The following APEX1 variants were observed in gnomAD, a reference collection of about 807,000 sequenced individuals.
The protein encoded by APEX1 is apurinic/apyrimidinic endodeoxyribonuclease 1.
In APEX1, 32 loss-of-function variants were observed where a neutral mutation model predicts 33.2. The observed-to-expected ratio is 0.96, with a 90% CI of 0.73 to 1.29. The LOEUF is 1.29. Ranked by LOEUF, APEX1 falls within the 50% of genes most tolerant of loss-of-function variation. The probability of loss-of-function intolerance (pLI) is 0.00; values close to 1 mark genes in which losing one functional copy is unlikely to be tolerated. For synonymous variants in APEX1, 175 were observed against 156.6 expected, an observed-to-expected ratio of 1.12 and a Z score of -0.88; for missense variants, 442 against 395.6, an observed-to-expected ratio of 1.12 and a Z score of -0.99.
rs371886058 is a variant in APEX1 at position 20,456,854 on chromosome 14, G to A, written c.433G>A (p.Gly145Ser). ...CCAGTGCCCACTCAAAGTTTCTTAC[G>A]GCATAGGTGAGACCCTATTGATGCC... ...SRQCPLKVSY[G>S]IGDEEHDQEG... Residue 145 changes from glycine (G) to serine (S), a missense_variant, in exon 4 of 5, where the codon GGC becomes AGC. By Grantham distance (56) the Gly-to-Ser change is moderately conservative. Transcript: ENST00000216714. 165 of 1,613,686 alleles carry A rather than the reference G, an allele frequency of 1.0e-4. 2 individuals carry two copies. In the South Asian group the frequency reaches 1.4e-3, roughly 13 times the overall value.
At position 20,457,177 on chromosome 14, in the gene APEX1, G is replaced by T. The variant is rs1475640274; in HGVS notation, c.626G>T (p.Gly209Val). ...TCCCGAAAGCCCCTTGTGCTGTGTG[G>T]AGACCTCAATGTGGCACATGAAGAA... ...LASRKPLVLC[G>V]DLNVAHEEID... Residue 209 changes from glycine to valine, a missense_variant, in exon 5 of 5, where the codon GGA (glycine) becomes GTA (valine). Transcript: ENST00000216714. 6.2e-7 allele frequency: 1 copy of T among 1,614,074 alleles called. No homozygotes were observed. The highest frequency in any genetic ancestry group is 8.5e-7 in the Non-Finnish European group (1 of 1,180,046).
chr14:20,456,902 C>A, intron 4 of APEX1, 42 bp downstream of exon 4: 1 of 1,606,458 alleles, frequency 6.2e-7, no homozygotes, highest in Non-Finnish European at 8.5e-7. Context: ...TCTTCAAAAC[C>A]AATTGCTAAT....
chr14:20,457,275 G>C lies in APEX1; in HGVS notation c.724G>C (p.Glu242Gln), dbSNP rs757918457. The C allele has an allele frequency of 6.2e-7, 1 of 1,614,226 alleles. No homozygotes were observed. The highest frequency in any genetic ancestry group is 1.7e-5 in the Admixed American group (1 of 60,030). ...GCCACAAGAGCGCCAAGGCTTCGGG[G>C]AATTACTGCAGGCTGTGCCACTGGC... The part of the protein sequence containing the change: ...FTPQERQGFG[E>Q]LLQAVPLADS... Residue 242 changes from glutamate to glutamine, a missense_variant, in exon 5 of 5, where the codon GAA becomes CAA. Physicochemically the swap from Glu to Gln is conservative, Grantham distance 29. Coordinates refer to ENST00000216714, the MANE Select transcript of APEX1 (RefSeq NM_001641.4).
intron 2 of APEX1, 71 bp downstream of exon 2, chr14:20,455,774 G>GT: frequency 1.2e-6 from 2 of 1,614,044 alleles, no homozygotes; most frequent in African/African-American, 2.7e-5. Flanking sequence ...TTGATGTACG[G>GT]TAAGTACGGG....
At chr14:20,456,323 G>A (rs377585096) in intron 3 of APEX1, among the ~76,000 whole-genome samples, 2 of 152,138 alleles carry the variant, frequency 1.3e-5, no homozygotes, top group South Asian at 4.2e-4. Context: ...CCAGAATGTT[G>A]CAAAAACCTC....
rs201945833 is a variant in APEX1, at chr14:20,457,215, A to C, written c.664A>C (p.Asn222His). Residue 222 changes from asparagine to histidine, a missense_variant, in exon 5 of 5, where the codon AAC becomes CAC. Coordinates refer to ENST00000216714, the MANE Select transcript of APEX1 (RefSeq NM_001641.4). ...GGCACATGAAGAAATTGACCTTCGCAACCCCAAGGGGAACAAAAAGAATGC... is the reference window on the plus strand; with the variant it reads ...GGCACATGAAGAAATTGACCTTCGCCACCCCAAGGGGAACAAAAAGAATGC... The part of the protein sequence containing the change: ...NVAHEEIDLR[N>H]PKGNKKNAGF... 99 of 1,614,114 alleles carry C rather than the reference A, an allele frequency of 6.1e-5. No individual in the cohort carries two copies. Among genetic ancestry groups the C allele is most frequent in the Admixed American group, 8.3e-5 (5 of 60,008 alleles).
rs778698391 is a variant in APEX1, at chr14:20,457,213, G to A, written c.662G>A (p.Arg221His). The A allele has an allele frequency of 1.3e-5, 21 of 1,614,008 alleles. No individual in the cohort carries two copies. Among genetic ancestry groups the A allele is most frequent in the South Asian group, 1.1e-4 (10 of 91,086 alleles). Residue 221 changes from arginine to histidine, a missense_variant, in exon 5 of 5, where the codon CGC becomes CAC. Transcript: ENST00000216714. ...GTGGCACATGAAGAAATTGACCTTC[G>A]CAACCCCAAGGGGAACAAAAAGAAT... is the stretch of plus-strand genomic sequence containing the variant. Reference protein sequence around the residue: ...LNVAHEEIDLRNPKGNKKNAG... With the variant: ...LNVAHEEIDLHNPKGNKKNAG...
chr14:20,457,560 T>A lies in APEX1; in HGVS notation c.*52T>A. On this transcript the variant is annotated 3_prime_UTR_variant, in exon 5 of 5. Transcript: ENST00000216714. ...GGGAAATAAGCCCCCTCAACTACCATTCCTTCTTTAAACACTCTTCAGAGA... is the reference window on the plus strand; with the variant it reads ...GGGAAATAAGCCCCCTCAACTACCAATCCTTCTTTAAACACTCTTCAGAGA... The A allele has an allele frequency of 6.3e-7, 1 of 1,587,284 alleles. No homozygotes were observed. Among genetic ancestry groups the A allele is most frequent in the Non-Finnish European group, 8.6e-7 (1 of 1,161,072 alleles).
At chr14:20,456,299 G>A (rs1881344710) in intron 3 of APEX1, among the ~76,000 whole-genome samples, 198 bp downstream of exon 3, 1 of 151,946 alleles carries the variant, frequency 6.6e-6, no homozygotes, top group African/African-American at 2.4e-5. Flanking sequence ...CTTTTTTAGT[G>A]TTCTCTCCTC....
In APEX1 at chr14:20,457,482, C is replaced by A. The variant is rs1803120; in HGVS notation, c.931C>A (p.Pro311Thr). The A allele has an allele frequency of 1.9e-5, 31 of 1,614,106 alleles. No homozygotes were observed. The highest frequency in any genetic ancestry group is 2.5e-5 in the Non-Finnish European group (30 of 1,180,024). ...CAAGGCCCTCGGCAGTGATCACTGTCCTATCACCCTATACCTAGCACTGTG... is the reference window on the plus strand; with the variant it reads ...CAAGGCCCTCGGCAGTGATCACTGTACTATCACCCTATACCTAGCACTGTG... ...RSKALGSDHC[P>T]ITLYLAL The change falls in exon 5 of 5, where the codon CCT (proline) becomes ACT (threonine). Residue 311 changes from proline to threonine, a missense_variant. By Grantham distance (38) the Pro-to-Thr change is conservative (BLOSUM62 -1). Transcript: ENST00000216714.
Position 20,455,913 on chromosome 14 carries a change from G to A in APEX1, c.59-1G>A. On this transcript the variant is annotated splice_acceptor_variant, in intron 2 of 4. Transcript: ENST00000216714. LOFTEE classifies it high-confidence loss of function. ...GTCAGTATATATTACTCATTTTATA[G>A]AGCCAGAGGCCAAGAAGAGTAAGAC... The A allele has an allele frequency of 6.2e-7, 1 of 1,614,012 alleles. No individual in the cohort carries two copies. The highest frequency in any genetic ancestry group is 8.5e-7 in the Non-Finnish European group (1 of 1,179,956).
chr14:20,455,535 C>T, intron 1 of APEX1, 43 bp from the exon 2 acceptor site: 1 of 1,576,764 alleles, frequency 6.3e-7, no homozygotes. Context: ...GAGGAGTCTT[C>T]TCCCCAGCCT....
At position 20,457,053 on chromosome 14, in the gene APEX1, G is replaced by T; in HGVS notation, c.502G>T (p.Val168Leu). The change falls in exon 5 of 5, where the codon GTA (valine) becomes TTA (leucine). Residue 168 changes from valine (V) to leucine (L), a missense_variant. Val to Leu is a conservative substitution (Grantham distance 32). Coordinates refer to ENST00000216714, the MANE Select transcript of APEX1 (RefSeq NM_001641.4). ...IVAEFDSFVL[V>L]TAYVPNAGRG... ...GGCTGAATTTGACTCGTTTGTGCTG[G>T]TAACAGCATATGTACCTAATGCAGG... is the stretch of plus-strand genomic sequence containing the variant. The T allele has an allele frequency of 6.2e-7, 1 of 1,614,196 alleles. No individual in the cohort carries two copies. The highest frequency in any genetic ancestry group is 8.5e-7 in the Non-Finnish European group (1 of 1,180,020).
Position 20,455,906 on chromosome 14 carries a change from T to C in APEX1, c.59-8T>C. 1.2e-6 allele frequency: 2 copies of C among 1,614,068 alleles called. No homozygotes were observed. Among genetic ancestry groups the C allele is most frequent in the Non-Finnish European group, 1.7e-6 (2 of 1,179,972 alleles). On this transcript the variant is annotated splice_polypyrimidine_tract_variant and splice_region_variant and intron_variant, in intron 2 of 4. Coordinates refer to ENST00000216714, the MANE Select transcript of APEX1 (RefSeq NM_001641.4). The stretch of plus-strand genomic sequence containing the variant: ...GCTTTTTGTCAGTATATATTACTCA[T>C]TTTATAGAGCCAGAGGCCAAGAAGA...
intron 1 of APEX1, 82 bp downstream of exon 1, chr14:20,455,476 AGAGAT>A (rs1450754838): frequency 9.4e-7 from 1 of 1,061,878 alleles, no homozygotes; most frequent in Admixed American, 2.1e-5. Context: ...GAAAGGATTT[AGAGAT>A]AACGTGGTTT....
intron 2 of APEX1, 43 bp downstream of exon 2, chr14:20,455,746 G>T: frequency 6.2e-7 from 1 of 1,614,170 alleles, no homozygotes; most frequent in African/African-American, 1.3e-5. Context: ...AGCTGCGGCG[G>T]GGGTGTTTGT....
chr14:20,455,812 AGAAGTC>A (rs1566512671), intron 2 of APEX1, 96 bp from the exon 3 acceptor site: 1 of 1,613,742 alleles, frequency 6.2e-7, no homozygotes, highest in Admixed American at 1.7e-5. Flanking sequence ...GGGTTTGTGA[AGAAGTC>A]GCAGGAACCG....
At chr14:20,456,969 TA>T in intron 4 of APEX1, 21 bp from the exon 5 acceptor site, 1 of 1,611,678 alleles carries the variant, frequency 6.2e-7, no homozygotes, top group Non-Finnish European at 8.5e-7. Flanking sequence ...TTTTTTATGC[TA>T]ATTCTGTTTC....
intron 2 of APEX1, 101 bp from the exon 3 acceptor site, chr14:20,455,813 G>A: frequency 6.2e-7 from 1 of 1,613,736 alleles, no homozygotes; most frequent in Non-Finnish European, 8.5e-7. Flanking sequence ...GGTTTGTGAA[G>A]AAGTCGCAGG....
Sources: gnomAD v4.1 joint callset for allele counts (sites outside exome capture counted in the v4.1 genomes callset) on GRCh38, gnomAD v4.1.1 for gene constraint, MANE v1.5 for transcripts, NCBI Gene and HGNC (gene_info 2026-07-23, HGNC 2026-07-21) for gene names.